Variants in NMI observed in about 807,000 individuals in gnomAD.
NMI encodes N-myc and STAT interactor.
Under a neutral mutation model 34.3 loss-of-function variants are expected in NMI, and 39 were observed. The observed-to-expected ratio is 1.14, with a 90% CI of 0.88 to 1.49. The LOEUF (loss-of-function observed/expected upper bound fraction) is 1.49, where lower values mean the gene tolerates loss of function less well. NMI is among the 40% of genes most tolerant of loss of function. NMI has a pLI of 0.00. For missense variants in NMI, 339 were observed against 358.1 expected (o/e 0.95, Z 0.43); for synonymous variants, 113 against 120.3 (o/e 0.94, Z 0.40).
chr2:151,286,563 G>T (rs1431978674), intron 1 of NMI, among the ~76,000 whole-genome samples: 1 of 152,150 alleles, frequency 6.6e-6, no homozygotes, highest in African/African-American at 2.4e-5. Flanking sequence ...CAGGATGAAG[G>T]TGCACTGATG....
chr2:151,274,490 T>C (rs1345147694), intron 6 of NMI, among the ~76,000 whole-genome samples: 1 of 151,444 alleles, frequency 6.6e-6, no homozygotes, highest in Non-Finnish European at 1.5e-5. Context: ...TTTTGTTTTT[T>C]TTTGAGACGG....
At chr2:151,280,063 C>T (rs1006535437) in intron 3 of NMI, among the ~76,000 whole-genome samples, 2 of 152,026 alleles carry the variant, frequency 1.3e-5, no homozygotes, top group Admixed American at 1.3e-4. Context: ...GGCGTGGTGG[C>T]AAACGCCTGT....
chr2:151,280,507 ATGC>A (rs1683371832), intron 3 of NMI, among the ~76,000 whole-genome samples: 1 of 152,230 alleles, frequency 6.6e-6, no homozygotes, highest in Admixed American at 6.5e-5. Context: ...TTACCCAATA[ATGC>A]AGAAATACCC....
intron 2 of NMI, 150 bp from the exon 3 acceptor site, chr2:151,282,193 G>A (rs761174450): frequency 1.8e-6 from 1 of 561,734 alleles, no homozygotes; most frequent in Non-Finnish European, 3.1e-6. Context: ...TAATGCATTT[G>A]TTGAATATTT....
chr2:151,282,810 C>A (rs968418441), intron 2 of NMI, 58 bp downstream of exon 2: 3 of 915,762 alleles, frequency 3.3e-6, no homozygotes, highest in Non-Finnish European at 4.9e-6. Context: ...ACATGCCTTA[C>A]TGCAAAACTA....
intron 4 of NMI, among the ~76,000 whole-genome samples, chr2:151,276,883 T>C (rs1158558342): frequency 1.3e-5 from 2 of 152,210 alleles, no homozygotes; most frequent in Non-Finnish European, 2.9e-5. Flanking sequence ...CACAAAGCTG[T>C]CAAGTCTAAT....
chr2:151,280,873 C>T (rs1683387573), intron 3 of NMI, among the ~76,000 whole-genome samples: 2 of 150,918 alleles, frequency 1.3e-5, no homozygotes, highest in Admixed American at 6.6e-5. Flanking sequence ...GGCGGCGCCT[C>T]GCTCTGTCGC....
At chr2:151,279,471 TTTTATTTATTTA>T (rs147844559) in intron 3 of NMI, among the ~76,000 whole-genome samples, 1 of 151,958 alleles carries the variant, frequency 6.6e-6, no homozygotes, top group African/African-American at 2.4e-5. Flanking sequence ...AATTAGATAA[TTTTATTTATTTA>T]TTTATTTATT....
chr2:151,274,568 T>G (rs1343279108), intron 6 of NMI, among the ~76,000 whole-genome samples: 1 of 149,934 alleles, frequency 6.7e-6, no homozygotes, highest in African/African-American at 2.5e-5. Flanking sequence ...CTCCACCTCC[T>G]GGGTTCAAGC....
intron 1 of NMI, among the ~76,000 whole-genome samples, chr2:151,289,247 CG>C (rs1260780110): frequency 1.1e-5 from 1 of 90,958 alleles, no homozygotes; most frequent in African/African-American, 5.3e-5. Context: ...AGCGAGACTC[CG>C]TCTCAAAAAA....
intron 2 of NMI, among the ~76,000 whole-genome samples, 194 bp from the exon 3 acceptor site, chr2:151,282,237 G>A (rs989001206): frequency 6.6e-6 from 1 of 152,112 alleles, no homozygotes; most frequent in African/African-American, 2.4e-5. Flanking sequence ...ACATTGCCAA[G>A]TAGTACTATC....
At chr2:151,282,817 A>G (rs1031455521) in intron 2 of NMI, 51 bp downstream of exon 2, 16 of 981,090 alleles carry the variant, frequency 1.6e-5, no homozygotes, top group Non-Finnish European at 2.3e-5. Flanking sequence ...TTACTGCAAA[A>G]CTAATAGATA....
At chr2:151,288,333 C>G (rs899639954) in intron 1 of NMI, among the ~76,000 whole-genome samples, 7 of 152,136 alleles carry the variant, frequency 4.6e-5, no homozygotes, top group African/African-American at 1.7e-4. Flanking sequence ...GAAGAAGAGT[C>G]AAGAGTGAAA....
chr2:151,274,144 A>T (rs759615417), intron 6 of NMI, among the ~76,000 whole-genome samples: 10 of 151,524 alleles, frequency 6.6e-5, no homozygotes, highest in Non-Finnish European at 1.5e-4. Context: ...GGAGTTCGAG[A>T]CCAACCTGAC....
At chr2:151,279,059 T>G in intron 3 of NMI, 69 bp from the exon 4 acceptor site, 1 of 1,054,916 alleles carries the variant, frequency 9.5e-7, no homozygotes, top group Non-Finnish European at 1.4e-6. Flanking sequence ...AATGATAATG[T>G]AATTTGGTCA....
At chr2:151,273,796 A>G (rs1683231578) in intron 6 of NMI, among the ~76,000 whole-genome samples, 2 of 152,190 alleles carry the variant, frequency 1.3e-5, no homozygotes, top group African/African-American at 2.4e-5. Flanking sequence ...TGCTGGGATT[A>G]TAGGCATGAG....
chr2:151,287,266 G>T (rs777202967), intron 1 of NMI, among the ~76,000 whole-genome samples: 21 of 149,186 alleles, frequency 1.4e-4, no homozygotes, highest in Non-Finnish European at 1.0e-4. Context: ...GCCTTGAGAC[G>T]ATATATATAT....
intron 3 of NMI, 45 bp downstream of exon 3, chr2:151,281,903 A>T: frequency 1.1e-6 from 1 of 936,148 alleles, no homozygotes; most frequent in East Asian, 2.4e-5. Context: ...TCCAAAAACC[A>T]TGCATCCATC....
rs1683190810 is a variant in NMI, at chr2:151,271,693, TAA to T, written c.672_673del (p.Ile226LysfsTer6). 2.5e-6 allele frequency: 4 copies of T among 1,582,936 alleles called. No individual in the cohort carries two copies. Among genetic ancestry groups the T allele is most frequent in the African/African-American group, 1.3e-5 (1 of 74,200 alleles). On this transcript the variant is annotated frameshift_variant, in exon 7 of 8. Coordinates refer to ENST00000243346, the MANE Select transcript of NMI (RefSeq NM_004688.3). LOFTEE classifies it high-confidence loss of function. Reference sequence around the variant, plus strand: ...AACTCTATGGCAGGTTTGATTTATATAAAGAGGGTATTCTTTCTTTTTCAAAA... The same window carrying T: ...AACTCTATGGCAGGTTTGATTTATATAGAGGGTATTCTTTCTTTTTCAAAA...
Sources: gnomAD v4.1 joint callset for allele counts (sites outside exome capture counted in the v4.1 genomes callset) on GRCh38, gnomAD v4.1.1 for gene constraint, MANE v1.5 for transcripts, NCBI Gene and HGNC (gene_info 2026-07-23, HGNC 2026-07-21) for gene names.